RGS22: variants seen among roughly 807,000 people sequenced by gnomAD.
The protein encoded by RGS22 is regulator of G-protein signaling 22.
In RGS22, 148 loss-of-function variants were observed where a neutral mutation model predicts 172.9. The ratio of observed to expected loss-of-function variants is 0.86; its 90% CI spans 0.75 to 0.98. The LOEUF is 0.98. Among genes scored for constraint, RGS22 ranks in the 50% least tolerant of loss-of-function variants. The pLI, the probability that RGS22 is intolerant of heterozygous loss-of-function variation, is 0.00. For missense variants in RGS22, 1,347 were observed against 1,440.8 expected, an observed-to-expected ratio of 0.93 and a Z score of 1.05; for synonymous variants, 458 against 480.2, an observed-to-expected ratio of 0.95 and a Z score of 0.60.
In RGS22 at chr8:100,020,619, T is replaced by C. The variant is rs1335624847; in HGVS notation, c.2167-12050A>G. ...TCCTCCCTTATAAGCAATGGTTTAC[T>C]GGAGCCAGCTTGTACCAGCTCACAA... On this transcript the variant is annotated intron_variant, in intron 14 of 27. Transcript: ENST00000360863. Among the ~76,000 whole-genome samples, 3 of 152,214 alleles carry C rather than the reference T, an allele frequency of 2.0e-5. No individual in the cohort carries two copies. The South Asian group carries it at 6.2e-4, about 31-fold the overall frequency.
chr8:100,034,696 C>T (rs140968914), intron 14 of RGS22, among the ~76,000 whole-genome samples: 1,630 of 152,254 alleles, frequency 0.011, 35 homozygotes, highest in African/African-American at 0.038. Flanking sequence ...GGAGGCATCA[C>T]GCTATCCGAC....
intron 22 of RGS22, among the ~76,000 whole-genome samples, chr8:99,978,589 G>T (rs1812224405): frequency 6.6e-6 from 1 of 152,124 alleles, no homozygotes; most frequent in Non-Finnish European, 1.5e-5. Context: ...AATTTTAAAT[G>T]ATATAATCTC....
At chr8:99,970,172 C>A (rs924781331) in intron 23 of RGS22, among the ~76,000 whole-genome samples, 4 of 152,096 alleles carry the variant, frequency 2.6e-5, no homozygotes, top group Non-Finnish European at 4.4e-5. Context: ...TAAATAAGTT[C>A]TTTGAAACCA....
At chr8:100,055,395 C>A (rs375298016) in intron 9 of RGS22, among the ~76,000 whole-genome samples, 1 of 152,166 alleles carries the variant, frequency 6.6e-6, no homozygotes, top group Non-Finnish European at 1.5e-5. Context: ...CCAGGAGGTA[C>A]CTCTATGAGT....
intron 23 of RGS22, among the ~76,000 whole-genome samples, chr8:99,973,229 G>A (rs1811565118): frequency 1.3e-5 from 2 of 152,090 alleles, no homozygotes; most frequent in African/African-American, 4.8e-5. Context: ...GTTTATTGCA[G>A]CACTATTCAC....
chr8:99,978,106 T>G lies in RGS22; in HGVS notation c.3361-31A>C, dbSNP rs544201798. ...TAAAAAAAAGTCTAAGATTACAATT[T>G]TATACAAAGGTACCAATTTAAACTC... On this transcript the variant is annotated intron_variant, in intron 22 of 27. Coordinates refer to ENST00000360863, the MANE Select transcript of RGS22 (RefSeq NM_015668.5). 30 of 1,331,692 alleles carry G rather than the reference T, an allele frequency of 2.3e-5. No homozygotes were observed. In the Admixed American group the frequency reaches 7.0e-4, roughly 31 times the overall value. 82.5% of individuals were successfully genotyped at this position (1,331,692 alleles called of 1,614,324 possible).
intron 3 of RGS22, among the ~76,000 whole-genome samples, chr8:100,092,746 C>T (rs3116087): frequency 0.16 from 24,917 of 152,088 alleles, 2,751 homozygotes; most frequent in African/African-American, 0.31. Flanking sequence ...TCTGCTATAG[C>T]AGCATAGACT....
intron 2 of RGS22, among the ~76,000 whole-genome samples, chr8:100,098,511 T>C (rs889495551): frequency 1.4e-4 from 22 of 152,130 alleles, no homozygotes; most frequent in Non-Finnish European, 2.5e-4. Context: ...TCCCCACTGG[T>C]TTGCAAAATT....
At chr8:100,094,937 T>G (rs2132009824) in intron 2 of RGS22, among the ~76,000 whole-genome samples, 1 of 152,352 alleles carries the variant, frequency 6.6e-6, no homozygotes, top group Middle Eastern at 3.4e-3. Context: ...GAACAGTGAA[T>G]AGCTTAAATA....
At chr8:100,084,296 G>A (rs1812005744) in intron 3 of RGS22, among the ~76,000 whole-genome samples, 1 of 152,138 alleles carries the variant, frequency 6.6e-6, no homozygotes, top group South Asian at 2.1e-4. Context: ...CTACTCGTAT[G>A]CACTTACAAA....
In RGS22 at chr8:99,981,978, GT is replaced by G. The variant is rs1260826627; in HGVS notation, c.3318del (p.Glu1106AspfsTer6). On this transcript the variant is annotated frameshift_variant, in exon 22 of 28. Transcript: ENST00000360863. LOFTEE classifies it high-confidence loss of function. The stretch of plus-strand genomic sequence containing the variant: ...ACATATGGTCCTAACTCCTTCCGGT[GT>G]TCAATAATCTTCTGGGCTTGCTCTA... Reference protein sequence around the residue: ...IPVEQAQKIIEHRKELGPYVF... With the variant: ...IPVEQAQKIIXHRKELGPYVF... 1 of 1,613,912 alleles carries G rather than the reference GT, an allele frequency of 6.2e-7. No homozygotes were observed. The highest frequency in any genetic ancestry group is 2.2e-5 in the East Asian group (1 of 44,850).
chr8:100,082,698 T>C (rs1352612805), intron 3 of RGS22, among the ~76,000 whole-genome samples: 1 of 152,308 alleles, frequency 6.6e-6, no homozygotes, highest in African/African-American at 2.4e-5. Context: ...ACAGAACATT[T>C]CCTCTTTAAT....
chr8:100,006,050 A>C lies in RGS22; in HGVS notation c.2421T>G (p.Ala807=). The C allele has an allele frequency of 6.2e-7, 1 of 1,613,404 alleles. No individual in the cohort carries two copies. The highest frequency in any genetic ancestry group is 8.5e-7 in the Non-Finnish European group (1 of 1,179,644). Residue 807 remains alanine (A), a synonymous_variant, in exon 16 of 28, where the codon GCT becomes GCG. Coordinates refer to ENST00000360863, the MANE Select transcript of RGS22 (RefSeq NM_015668.5). ...TCTTGGAAAATGTCTCTTTATGCAA[A>C]GCCTGTAGCTTTCTGAAGTATGTGG... ...LDSTYFRKLQ[A]LHKETFSKKA...
At chr8:100,032,021 TA>T (rs1182436360) in intron 14 of RGS22, among the ~76,000 whole-genome samples, 1 of 152,140 alleles carries the variant, frequency 6.6e-6, no homozygotes, top group East Asian at 1.9e-4. Context: ...AAGGAAGCAC[TA>T]AACATGGAAA....
intron 14 of RGS22, among the ~76,000 whole-genome samples, chr8:100,035,069 A>C (rs1169598055): frequency 1.3e-5 from 2 of 152,304 alleles, no homozygotes; most frequent in East Asian, 3.9e-4. Flanking sequence ...TGTCTAAAAC[A>C]CCAAAAGCAA....
intron 3 of RGS22, among the ~76,000 whole-genome samples, chr8:100,087,539 G>T (rs11997226): frequency 0.038 from 5,750 of 150,254 alleles, 332 homozygotes; most frequent in African/African-American, 0.13. Flanking sequence ...AATTAGTGAC[G>T]TACTTAAACT....
chr8:100,091,186 T>C (rs1812550474), intron 3 of RGS22, among the ~76,000 whole-genome samples: 1 of 152,088 alleles, frequency 6.6e-6, no homozygotes, highest in African/African-American at 2.4e-5. Flanking sequence ...CCCCAGATTC[T>C]TTTTGAAAAC....
Position 99,961,216 on chromosome 8 carries a change from G to A in RGS22, c.*46-20C>T. 1 of 450,336 alleles carries A rather than the reference G, an allele frequency of 2.2e-6. No individual in the cohort carries two copies. Among genetic ancestry groups the A allele is most frequent in the South Asian group, 1.6e-5 (1 of 62,202 alleles). The allele number at this position is 450,336 out of a possible 1,614,324, so 27.9% of individuals were successfully genotyped here. A position where few individuals can be genotyped will look rare whatever the true frequency, so the allele number is the denominator to read the frequency against. ...GAATTCCTGCAAAGGAAACATAAATGGATGAAAATATAAACATCTATAGAA... is the reference window on the plus strand; with the variant it reads ...GAATTCCTGCAAAGGAAACATAAATAGATGAAAATATAAACATCTATAGAA... On this transcript the variant is annotated intron_variant, in intron 27 of 27. Coordinates refer to ENST00000360863, the MANE Select transcript of RGS22 (RefSeq NM_015668.5).
chr8:100,038,165 A>C (rs1171859682), intron 14 of RGS22, among the ~76,000 whole-genome samples: 1 of 152,176 alleles, frequency 6.6e-6, no homozygotes, highest in Non-Finnish European at 1.5e-5. Flanking sequence ...AGTGATTAGC[A>C]CTTTTCTAGG....
Sources: allele counts gnomAD v4.1 joint callset (sites outside exome capture counted in the v4.1 genomes callset), GRCh38; gene constraint gnomAD v4.1.1; transcripts MANE v1.5; gene names NCBI Gene and HGNC (gene_info 2026-07-23, HGNC 2026-07-21).